FER1L6: variants seen among roughly 807,000 people sequenced by gnomAD.
FER1L6 encodes the protein fer-1 like family member 6.
Under a neutral mutation model 219.2 loss-of-function variants are expected in FER1L6, and 177 were observed. The ratio of observed to expected loss-of-function variants is 0.81; its 90% confidence interval spans 0.71 to 0.91. The LOEUF (loss-of-function observed/expected upper bound fraction) is 0.91, where lower values mean the gene tolerates loss of function less well. Ranked by LOEUF, FER1L6 falls within the 40% of genes least tolerant of loss-of-function variation. The pLI, the probability that FER1L6 is intolerant of heterozygous loss-of-function variation, is 0.00. For synonymous variants in FER1L6, 768 were observed against 824.3 expected, an observed-to-expected ratio of 0.93 and a Z score of 1.17; for missense variants, 2,153 against 2,259.9, an observed-to-expected ratio of 0.95 and a Z score of 0.96.
chr8:124,070,876 G>T (rs1374992637), intron 30 of FER1L6, among the ~76,000 whole-genome samples: 2 of 152,112 alleles, frequency 1.3e-5, no homozygotes, highest in African/African-American at 4.8e-5. Context: ...CTCCCCTCCG[G>T]CATACCAAAT....
In FER1L6 at chr8:124,103,290, C is replaced by G. The variant is rs763702847; in HGVS notation, c.5270C>G (p.Ser1757Cys). ...CGTGTGCGTGGCTGGTGGCCTTTTTCTAAAAGCAAAGAACTCACAGTAAGT... is the reference window on the plus strand; with the variant it reads ...CGTGTGCGTGGCTGGTGGCCTTTTTGTAAAAGCAAAGAACTCACAGTAAGT... ...QKRVRGWWPFSKSKELTGKVE... is the reference protein window; with the variant it reads ...QKRVRGWWPFCKSKELTGKVE... Residue 1757 changes from serine (S) to cysteine (C), a missense_variant, in exon 39 of 41, where the codon TCT becomes TGT. Physicochemically the swap from Ser to Cys is moderately radical, Grantham distance 112 (BLOSUM62 -1). Coordinates refer to ENST00000522917, the MANE Select transcript of FER1L6 (RefSeq NM_001039112.2). 1.2e-6 allele frequency: 2 copies of G among 1,613,866 alleles called. No individual in the cohort carries two copies. Among genetic ancestry groups the G allele is most frequent in the Admixed American group, 3.3e-5 (2 of 60,000 alleles).
chr8:123,955,083 G>A (rs532486796), intron 1 of FER1L6, among the ~76,000 whole-genome samples: 37 of 152,296 alleles, frequency 2.4e-4, no homozygotes, highest in African/African-American at 8.7e-4. Flanking sequence ...GTCTGTCAGA[G>A]ACCATGGACT....
intron 2 of FER1L6, 130 bp downstream of exon 2, chr8:123,956,204 T>A: frequency 1.2e-6 from 1 of 816,278 alleles, no homozygotes; most frequent in Non-Finnish European, 2.0e-6. Context: ...CCCGACCCTT[T>A]AGGTCCTTCT....
At chr8:124,060,732 A>G (rs1301457281) in intron 24 of FER1L6, 23 bp downstream of exon 24, 2 of 1,604,670 alleles carry the variant, frequency 1.2e-6, no homozygotes, top group Non-Finnish European at 1.7e-6. Flanking sequence ...CACTCTCCCG[A>G]CCTGGCTCAT....
chr8:123,875,603 C>A (rs979262100), intron 1 of FER1L6, among the ~76,000 whole-genome samples: 15 of 152,170 alleles, frequency 9.9e-5, no homozygotes, highest in African/African-American at 3.6e-4. Flanking sequence ...TATGTATATA[C>A]AACTGCCTAT....
chr8:124,011,587 C>G (rs998009851), intron 14 of FER1L6, among the ~76,000 whole-genome samples: 5 of 151,880 alleles, frequency 3.3e-5, no homozygotes, highest in African/African-American at 4.8e-5. Context: ...CTAGGCAACC[C>G]TCCCACCTCA....
chr8:124,034,602 G>A (rs1475877647), intron 18 of FER1L6, among the ~76,000 whole-genome samples: 1 of 152,224 alleles, frequency 6.6e-6, no homozygotes, highest in Admixed American at 6.5e-5. Context: ...ATTCAAAAGA[G>A]AGAGAGCAGA....
At chr8:124,049,804 G>A in intron 22 of FER1L6, 48 bp downstream of exon 22, 1 of 1,599,756 alleles carries the variant, frequency 6.3e-7, no homozygotes, top group African/African-American at 1.3e-5. Context: ...TACCTGGCCA[G>A]AGAAGTGGCC....
chr8:123,936,154 A>G (rs1813991240), intron 1 of FER1L6, among the ~76,000 whole-genome samples: 1 of 152,084 alleles, frequency 6.6e-6, no homozygotes, highest in Non-Finnish European at 1.5e-5. Context: ...ATCTGATGTT[A>G]CTGTAGGAGG....
chr8:124,016,274 A>T (rs1586595061), intron 15 of FER1L6, among the ~76,000 whole-genome samples: 1 of 152,184 alleles, frequency 6.6e-6, no homozygotes, highest in African/African-American at 2.4e-5. Context: ...TCTTTTTAAA[A>T]AATTTAAAGA....
At position 124,049,774 on chromosome 8, in the gene FER1L6, G is replaced by C; in HGVS notation, c.2874+18G>C. ...TGCTGCAGGTGAGTGAACCAGATGT[G>C]GCACGAGATCTATTAGGTCTACCTG... On this transcript the variant is annotated intron_variant, in intron 22 of 40. Transcript: ENST00000522917. The C allele has an allele frequency of 6.2e-7, 1 of 1,613,540 alleles. No homozygotes were observed. The highest frequency in any genetic ancestry group is 8.5e-7 in the Non-Finnish European group (1 of 1,179,714).
At chr8:124,034,347 C>T (rs1819108768) in intron 18 of FER1L6, among the ~76,000 whole-genome samples, 1 of 152,048 alleles carries the variant, frequency 6.6e-6, no homozygotes, top group African/African-American at 2.4e-5. Flanking sequence ...AGGGAGTACC[C>T]TTATCCTGGT....
At chr8:124,093,336 CTTTAAAGTGTCCTATGTATGG>C (rs1563796019) in intron 34 of FER1L6, among the ~76,000 whole-genome samples, 1 of 151,708 alleles carries the variant, frequency 6.6e-6, no homozygotes, top group African/African-American at 2.4e-5. Flanking sequence ...GCCTTTGATG[CTTTAAAGTGTCCTATGTATGG>C]TTCAGTACTT....
At chr8:124,009,760 C>T (rs914546225) in intron 13 of FER1L6, among the ~76,000 whole-genome samples, 1 of 150,116 alleles carries the variant, frequency 6.7e-6, no homozygotes. Context: ...GCAGACCCAG[C>T]GAGGAGCCAT....
At chr8:124,108,644 G>C (rs1822880261) in intron 39 of FER1L6, among the ~76,000 whole-genome samples, 1 of 152,088 alleles carries the variant, frequency 6.6e-6, no homozygotes, top group African/African-American at 2.4e-5. Context: ...CAGCACTTTG[G>C]AGTAGACGGA....
chr8:124,032,320 G>A (rs1168202188), intron 18 of FER1L6, among the ~76,000 whole-genome samples: 2 of 152,128 alleles, frequency 1.3e-5, no homozygotes, highest in South Asian at 2.1e-4. Context: ...AGGTACTTGG[G>A]AGGCTGAGGC....
intron 1 of FER1L6, among the ~76,000 whole-genome samples, chr8:123,952,037 T>C (rs1814790946): frequency 1.3e-5 from 2 of 152,232 alleles, no homozygotes; most frequent in South Asian, 4.1e-4. Flanking sequence ...CTGTGAGCAA[T>C]TTTCTAATCC....
At chr8:123,985,930 G>A (rs1816554336) in intron 11 of FER1L6, 138 bp from the exon 12 acceptor site, 4 of 606,106 alleles carry the variant, frequency 6.6e-6, no homozygotes, top group African/African-American at 1.9e-5. Flanking sequence ...TATTTGGGGG[G>A]AAACGCTGTG....
At chr8:124,063,840 T>C (rs1165660793) in intron 25 of FER1L6, among the ~76,000 whole-genome samples, 1 of 152,122 alleles carries the variant, frequency 6.6e-6, no homozygotes, top group Admixed American at 6.5e-5. Context: ...AAGGACAGCA[T>C]TATAACCTTT....
Sources: gnomAD v4.1 joint callset for allele counts (sites outside exome capture counted in the v4.1 genomes callset) on GRCh38, gnomAD v4.1.1 for gene constraint, MANE v1.5 for transcripts, NCBI Gene and HGNC (gene_info 2026-07-23, HGNC 2026-07-21) for gene names.